Variants in TCF12 observed in about 807,000 individuals in gnomAD.
TCF12 encodes the protein transcription factor 12.
A neutral mutation model predicts 86.0 loss-of-function variants in TCF12; 45 were observed. That is an observed-to-expected ratio of 0.52 (90% CI 0.41 to 0.67). The LOEUF is 0.67. Among genes scored for constraint, TCF12 ranks in the 30% least tolerant of loss-of-function variants. The pLI is 0.00. For synonymous variants in TCF12, 330 were observed against 299.6 expected, an observed-to-expected ratio of 1.10 and a Z score of -1.05; for missense variants, 881 against 859.9, an observed-to-expected ratio of 1.02 and a Z score of -0.31.
At chr15:57,060,178 A>G (rs564766418) in intron 3 of TCF12, among the ~76,000 whole-genome samples, 5 of 152,204 alleles carry the variant, frequency 3.3e-5, no homozygotes, top group Admixed American at 1.3e-4. Flanking sequence ...GTAATTTATG[A>G]TTGCTCTTAG....
At chr15:56,955,196 A>G (rs558799875) in intron 3 of TCF12, among the ~76,000 whole-genome samples, 2 of 152,346 alleles carry the variant, frequency 1.3e-5, no homozygotes, top group East Asian at 1.9e-4. Flanking sequence ...TGTGGGACAT[A>G]TACACCATGG....
intron 4 of TCF12, among the ~76,000 whole-genome samples, chr15:57,081,000 C>T (rs1365659736): frequency 1.3e-5 from 2 of 152,112 alleles, no homozygotes; most frequent in Non-Finnish European, 2.9e-5. Flanking sequence ...AGTAGATGTT[C>T]ACTTAGCAGC....
At chr15:57,037,430 CAAAA>C (rs149616566) in intron 3 of TCF12, among the ~76,000 whole-genome samples, 8 of 131,374 alleles carry the variant, frequency 6.1e-5, no homozygotes, top group East Asian at 2.2e-4. Flanking sequence ...GACAAGAGCT[CAAAA>C]AAACAAACAA....
intron 3 of TCF12, among the ~76,000 whole-genome samples, chr15:56,977,818 A>C (rs2062687582): frequency 6.6e-6 from 1 of 152,170 alleles, no homozygotes; most frequent in Non-Finnish European, 1.5e-5. Flanking sequence ...GAGCTTCTCA[A>C]ATTGTAGCAC....
intron 3 of TCF12, among the ~76,000 whole-genome samples, chr15:57,055,477 G>A (rs139056881): frequency 2.2e-3 from 342 of 152,230 alleles, no homozygotes; most frequent in Admixed American, 5.9e-3. Context: ...AGTTATACTG[G>A]TAATGAGTTC....
chr15:57,192,508 C>T (rs2057037648), intron 7 of TCF12, among the ~76,000 whole-genome samples: 1 of 152,190 alleles, frequency 6.6e-6, no homozygotes, highest in Non-Finnish European at 1.5e-5. Context: ...CCCACCTCAG[C>T]CTCGCAAGTA....
intron 8 of TCF12, among the ~76,000 whole-genome samples, chr15:57,225,942 G>A (rs2058851640): frequency 6.6e-6 from 1 of 151,448 alleles, no homozygotes; most frequent in East Asian, 1.9e-4. Flanking sequence ...CATGTGCCAT[G>A]TTTGGTGTGC....
At chr15:57,231,781 C>T (rs1240649314) in intron 9 of TCF12, among the ~76,000 whole-genome samples, 4 of 152,004 alleles carry the variant, frequency 2.6e-5, no homozygotes, top group African/African-American at 7.3e-5. Context: ...ATAAATGGTT[C>T]CTTGACTTTA....
chr15:57,106,880 G>A (rs1425040370), intron 5 of TCF12, among the ~76,000 whole-genome samples: 1 of 152,226 alleles, frequency 6.6e-6, no homozygotes, highest in Admixed American at 6.5e-5. Flanking sequence ...CCCTACACAT[G>A]TATTAAAACA....
chr15:56,978,611 T>G (rs1181871142), intron 3 of TCF12, among the ~76,000 whole-genome samples: 1 of 152,234 alleles, frequency 6.6e-6, no homozygotes, highest in African/African-American at 2.4e-5. Flanking sequence ...CCATTATTTG[T>G]CTATACCTCA....
At chr15:57,066,739 C>T (rs1399950764) in intron 4 of TCF12, among the ~76,000 whole-genome samples, 2 of 152,154 alleles carry the variant, frequency 1.3e-5, no homozygotes, top group African/African-American at 4.8e-5. Context: ...CATTCCCATG[C>T]CAAACTATAA....
At position 57,287,040 on chromosome 15, in the gene TCF12, T is replaced by G. The variant is rs1408158262; in HGVS notation, c.*895T>G. 1 of 169,572 alleles carries G rather than the reference T, an allele frequency of 5.9e-6. No individual in the cohort carries two copies. Among genetic ancestry groups the G allele is most frequent in the African/African-American group, 2.4e-5 (1 of 41,788 alleles). 10.5% of individuals were successfully genotyped at this position (169,572 alleles called of 1,614,324 possible). On this transcript the variant is annotated 3_prime_UTR_variant, in exon 21 of 21. Coordinates refer to ENST00000333725, the MANE Select transcript of TCF12 (RefSeq NM_207037.2). ...AATAATAACCAAGACTTTTCAAGCT[T>G]CTAGATCTCATAGGAAAGCTTGTAA...
At chr15:57,177,596 T>C (rs1283318514) in intron 6 of TCF12, among the ~76,000 whole-genome samples, 10 of 29,372 alleles carry the variant, frequency 3.4e-4, no homozygotes, top group Non-Finnish European at 7.9e-4. Context: ...TGTCCTATTT[T>C]TGTTAAAAGG....
At chr15:57,198,067 C>G (rs1462427609) in intron 8 of TCF12, among the ~76,000 whole-genome samples, 2 of 152,144 alleles carry the variant, frequency 1.3e-5, no homozygotes, top group African/African-American at 4.8e-5. Context: ...CATTTGAATT[C>G]CCCTCTTGGG....
At chr15:57,053,841 T>C (rs923988973) in intron 3 of TCF12, among the ~76,000 whole-genome samples, 15 of 152,186 alleles carry the variant, frequency 9.9e-5, no homozygotes, top group Non-Finnish European at 2.1e-4. Context: ...GTAAGAGTTA[T>C]ATTTTATGAC....
At chr15:56,984,831 T>C (rs2063104131) in intron 3 of TCF12, among the ~76,000 whole-genome samples, 1 of 152,216 alleles carries the variant, frequency 6.6e-6, no homozygotes, top group South Asian at 2.1e-4. Context: ...CCTACCATTA[T>C]GAAAAGTCCC....
At chr15:57,060,372 T>C (rs2068369801) in intron 3 of TCF12, among the ~76,000 whole-genome samples, 1 of 152,192 alleles carries the variant, frequency 6.6e-6, no homozygotes, top group Non-Finnish European at 1.5e-5. Flanking sequence ...TTTGACTTAA[T>C]TGATTCCATT....
chr15:57,259,263 T>C (rs1169629258), intron 16 of TCF12, among the ~76,000 whole-genome samples: 4 of 152,222 alleles, frequency 2.6e-5, no homozygotes, highest in African/African-American at 9.6e-5. Flanking sequence ...AAGTTTCTAG[T>C]AAAACCTCTC....
chr15:57,248,667 A>G (rs1255066082), intron 13 of TCF12, among the ~76,000 whole-genome samples: 5 of 152,224 alleles, frequency 3.3e-5, no homozygotes, highest in African/African-American at 9.6e-5. Flanking sequence ...CAGTTACCTG[A>G]CTTCAGCATG....
Sources: gnomAD v4.1 joint callset for allele counts (sites outside exome capture counted in the v4.1 genomes callset) on GRCh38, gnomAD v4.1.1 for gene constraint, MANE v1.5 for transcripts, NCBI Gene and HGNC (gene_info 2026-07-23, HGNC 2026-07-21) for gene names.